The following NXPH1 variants were observed in gnomAD, a reference collection of about 807,000 sequenced individuals.
NXPH1 encodes neurexophilin 1.
NXPH1 carries 5 observed loss-of-function variants against 23.7 expected under a neutral mutation model. That is an observed-to-expected ratio of 0.21 (90% CI 0.11 to 0.44). The LOEUF (loss-of-function observed/expected upper bound fraction) is 0.44, where lower values mean the gene tolerates loss of function less well. NXPH1 is among the 20% of genes least tolerant of loss of function. The pLI, the probability that NXPH1 is intolerant of heterozygous loss-of-function variation, is 0.99. For missense variants in NXPH1, 324 were observed against 321.6 expected (o/e 1.01, Z -0.06); for synonymous variants, 144 against 122.2 (o/e 1.18, Z -1.18).
chr7:8,572,341 A>G (rs1325137591), intron 2 of NXPH1, among the ~76,000 whole-genome samples: 2 of 152,004 alleles, frequency 1.3e-5, no homozygotes, highest in Non-Finnish European at 2.9e-5. Context: ...TAAAGCAGTG[A>G]TTAATACAAA....
rs1008986628 is a variant in NXPH1 at position 8,535,988 on chromosome 7, T to C, written c.54+100221T>C. 2.0e-5 allele frequency among the ~76,000 whole-genome samples: 3 copies of C among 152,114 alleles called. No homozygotes were observed. In the East Asian group the frequency reaches 5.8e-4, roughly 30 times the overall value. ...TGGTAACTCCTGTTTATTTTTCAGG[T>C]CTCAACTTGTGTGATCCTTTGCTCA... On this transcript the variant is annotated intron_variant, in intron 2 of 2. Transcript: ENST00000405863.
At chr7:8,456,349 G>T (rs1272456058) in intron 2 of NXPH1, among the ~76,000 whole-genome samples, 1 of 152,112 alleles carries the variant, frequency 6.6e-6, no homozygotes, top group Non-Finnish European at 1.5e-5. Context: ...TATTATAATT[G>T]TTCATCACTA....
rs200120951 is a variant in NXPH1 at position 8,553,338 on chromosome 7, A to AT, written c.54+117586dup. 5.9e-3 allele frequency among the ~76,000 whole-genome samples: 848 copies of AT among 142,574 alleles called. 7 individuals carry two copies. Among genetic ancestry groups the AT allele is most frequent in the African/African-American group, 0.015 (595 of 39,342 alleles). 93.5% of individuals were successfully genotyped at this position (142,574 alleles called of 152,430 possible). A position where few individuals can be genotyped will look rare whatever the true frequency, so the allele number is the denominator to read the frequency against. On this transcript the variant is annotated intron_variant, in intron 2 of 2. Coordinates refer to ENST00000405863, the MANE Select transcript of NXPH1 (RefSeq NM_152745.3). Reference sequence around the variant, plus strand: ...TTTTTTTCTGAGGAAGGTGGTGGGCATTTTTTTTTTTTTTTGCTTATTATG... The same window carrying AT: ...TTTTTTTCTGAGGAAGGTGGTGGGCATTTTTTTTTTTTTTTTGCTTATTATG...
intron 2 of NXPH1, among the ~76,000 whole-genome samples, chr7:8,475,353 TA>T (rs1017308373): frequency 6.6e-5 from 10 of 152,048 alleles, no homozygotes; most frequent in African/African-American, 2.2e-4. Context: ...AACTAAACCA[TA>T]AGGTTGAACT....
intron 2 of NXPH1, among the ~76,000 whole-genome samples, chr7:8,548,403 C>T (rs1025744166): frequency 6.6e-6 from 1 of 151,382 alleles, no homozygotes; most frequent in Non-Finnish European, 1.5e-5. Context: ...AAAAGGAATC[C>T]AGAAGAATGT....
intron 2 of NXPH1, among the ~76,000 whole-genome samples, chr7:8,474,454 C>CATGCT (rs1365599856): frequency 1.3e-5 from 2 of 152,076 alleles, no homozygotes; most frequent in Admixed American, 1.3e-4. Flanking sequence ...ATAATAGACT[C>CATGCT]ATGCTACCAT....
chr7:8,438,936 G>A (rs1001258786), intron 2 of NXPH1, among the ~76,000 whole-genome samples: 4 of 152,154 alleles, frequency 2.6e-5, no homozygotes, highest in Non-Finnish European at 4.4e-5. Flanking sequence ...ACCTTCTGAA[G>A]CATGTTAGCT....
chr7:8,618,847 T>G (rs1436598543), intron 2 of NXPH1, among the ~76,000 whole-genome samples: 1 of 152,186 alleles, frequency 6.6e-6, no homozygotes, highest in African/African-American at 2.4e-5. Flanking sequence ...CTAAACACAC[T>G]CTACAGAATT....
chr7:8,745,163 G>A (rs189222340), intron 2 of NXPH1, among the ~76,000 whole-genome samples: 1 of 152,142 alleles, frequency 6.6e-6, no homozygotes, highest in Admixed American at 6.6e-5. Flanking sequence ...AATGCTCCCT[G>A]GCGTTCAGCA....
At chr7:8,742,339 T>C (rs1384964022) in intron 2 of NXPH1, among the ~76,000 whole-genome samples, 3 of 152,032 alleles carry the variant, frequency 2.0e-5, no homozygotes, top group Non-Finnish European at 4.4e-5. Context: ...AACATTGGAA[T>C]TGAGGCTAAA....
At chr7:8,665,714 C>T (rs961326033) in intron 2 of NXPH1, among the ~76,000 whole-genome samples, 4 of 151,830 alleles carry the variant, frequency 2.6e-5, no homozygotes, top group Non-Finnish European at 4.4e-5. Flanking sequence ...GTTTTCAGTG[C>T]ACAGATCTTT....
At chr7:8,507,222 A>G (rs60322519) in intron 2 of NXPH1, among the ~76,000 whole-genome samples, 4,464 of 151,734 alleles carry the variant, frequency 0.029, 291 homozygotes, top group African/African-American at 0.099. Flanking sequence ...CTGAATGACT[A>G]TTAGATTTCT....
chr7:8,740,891 T>C (rs1160546466), intron 2 of NXPH1, among the ~76,000 whole-genome samples: 1 of 152,070 alleles, frequency 6.6e-6, no homozygotes, highest in Non-Finnish European at 1.5e-5. Context: ...AGTTACCATT[T>C]TGTGTGTGTG....
At chr7:8,633,157 G>A (rs2115135848) in intron 2 of NXPH1, among the ~76,000 whole-genome samples, 1 of 152,332 alleles carries the variant, frequency 6.6e-6, no homozygotes, top group Admixed American at 6.5e-5. Flanking sequence ...AACAGGCCGG[G>A]CATGGTGGCT....
Position 8,483,626 on chromosome 7 carries a change from T to G in NXPH1, c.54+47859T>G, listed in dbSNP as rs545842047. On this transcript the variant is annotated intron_variant, in intron 2 of 2. Coordinates refer to ENST00000405863, the MANE Select transcript of NXPH1 (RefSeq NM_152745.3). ...ACCTGGCTCAAAACCACATTTCTAGTGAAATCATATGAAACCCTGATATGA... is the reference window on the plus strand; with the variant it reads ...ACCTGGCTCAAAACCACATTTCTAGGGAAATCATATGAAACCCTGATATGA... 3.9e-5 allele frequency among the ~76,000 whole-genome samples: 6 copies of G among 152,180 alleles called. No individual in the cohort carries two copies. The South Asian group carries it at 1.0e-3, about 26-fold the overall frequency.
At chr7:8,608,821 AAT>A (rs1444638636) in intron 2 of NXPH1, among the ~76,000 whole-genome samples, 1 of 152,192 alleles carries the variant, frequency 6.6e-6, no homozygotes, top group African/African-American at 2.4e-5. Context: ...TTTATATAAA[AAT>A]CCAAAGAGTC....
At chr7:8,583,071 G>A (rs1194692868) in intron 2 of NXPH1, among the ~76,000 whole-genome samples, 7 of 152,250 alleles carry the variant, frequency 4.6e-5, no homozygotes, top group Non-Finnish European at 8.8e-5. Flanking sequence ...TGGCCGGGTT[G>A]TGACAGTGCC....
At chr7:8,750,437 CCCTCCCCTCA>C (rs1414719923) in intron 2 of NXPH1, among the ~76,000 whole-genome samples, 1 of 152,088 alleles carries the variant, frequency 6.6e-6, no homozygotes, top group East Asian at 1.9e-4. Context: ...TCTCTAAGTT[CCCTCCCCTCA>C]CCTCTCCACC....
intron 2 of NXPH1, among the ~76,000 whole-genome samples, chr7:8,532,797 T>G (rs1292962889): frequency 6.6e-6 from 1 of 152,124 alleles, no homozygotes; most frequent in Non-Finnish European, 1.5e-5. Flanking sequence ...AATTACATAT[T>G]TTTATACCTC....
Sources: gnomAD v4.1 joint callset for allele counts (sites outside exome capture counted in the v4.1 genomes callset) on GRCh38, gnomAD v4.1.1 for gene constraint, MANE v1.5 for transcripts, NCBI Gene and HGNC (gene_info 2026-07-23, HGNC 2026-07-21) for gene names.